ARMH4: variants seen among roughly 807,000 people sequenced by gnomAD.
The protein encoded by ARMH4 is armadillo like helical domain containing 4.
A neutral mutation model predicts 61.9 loss-of-function variants in ARMH4; 49 were observed. The ratio of observed to expected loss-of-function variants is 0.79; its 90% CI spans 0.63 to 1.00. The LOEUF is 1.00. ARMH4 is among the 50% of genes least tolerant of loss of function. ARMH4 has a pLI of 0.00. For missense variants in ARMH4, 934 were observed against 930.0 expected, an observed-to-expected ratio of 1.00 and a Z score of -0.06; for synonymous variants, 368 against 341.5, an observed-to-expected ratio of 1.08 and a Z score of -0.85.
At chr14:58,054,507 GC>G (rs1884254417) in intron 5 of ARMH4, among the ~76,000 whole-genome samples, 1 of 152,150 alleles carries the variant, frequency 6.6e-6, no homozygotes, top group African/African-American at 2.4e-5. Context: ...AATGTCACTT[GC>G]CAGTGAAACC....
At chr14:58,015,754 T>TAAAAAAAAAAAAAAAA (rs34004432) in intron 5 of ARMH4, among the ~76,000 whole-genome samples, 1 of 136,262 alleles carries the variant, frequency 7.3e-6, no homozygotes, top group Admixed American at 7.4e-5. Context: ...TATTTTTAGT[T>TAAAAAAAAAAAAAAAA]AAAAAAAAAA....
chr14:58,020,463 T>C (rs1190400808), intron 5 of ARMH4, among the ~76,000 whole-genome samples: 4 of 152,124 alleles, frequency 2.6e-5, no homozygotes, highest in Non-Finnish European at 5.9e-5. Context: ...GCATATCACA[T>C]TGTGATTTGT....
intron 1 of ARMH4, among the ~76,000 whole-genome samples, chr14:58,148,902 G>T (rs1287168598): frequency 6.6e-6 from 1 of 150,690 alleles, no homozygotes; most frequent in Non-Finnish European, 1.5e-5. Flanking sequence ...ACAGTTACAG[G>T]TAACAAGTCT....
At chr14:58,147,001 T>A (rs147511939) in intron 1 of ARMH4, among the ~76,000 whole-genome samples, 3 of 152,338 alleles carry the variant, frequency 2.0e-5, no homozygotes, top group Admixed American at 6.5e-5. Flanking sequence ...CCTTTTCTTA[T>A]GATATACACA....
At chr14:58,011,792 T>C (rs1170815007) in intron 6 of ARMH4, among the ~76,000 whole-genome samples, 1 of 144,742 alleles carries the variant, frequency 6.9e-6, no homozygotes, top group Non-Finnish European at 1.5e-5. Context: ...ACAGATGGAA[T>C]GAGATGACAA....
intron 5 of ARMH4, among the ~76,000 whole-genome samples, chr14:58,092,307 C>T (rs1247096626): frequency 6.6e-6 from 1 of 152,148 alleles, no homozygotes; most frequent in Non-Finnish European, 1.5e-5. Flanking sequence ...TTCAAAGGAT[C>T]TCAGTGTTTG....
intron 4 of ARMH4, among the ~76,000 whole-genome samples, chr14:58,111,407 C>A (rs1206462820): frequency 6.6e-6 from 1 of 152,092 alleles, no homozygotes; most frequent in Non-Finnish European, 1.5e-5. Flanking sequence ...AAGAAAAAAA[C>A]AAAATCTAAG....
At chr14:58,032,917 G>C (rs963445855) in intron 5 of ARMH4, among the ~76,000 whole-genome samples, 1 of 151,130 alleles carries the variant, frequency 6.6e-6, no homozygotes, top group Non-Finnish European at 1.5e-5. Context: ...ACGGAATCTC[G>C]CTGATTGCTA....
At chr14:58,075,257 A>G (rs1361233372) in intron 5 of ARMH4, among the ~76,000 whole-genome samples, 1 of 152,224 alleles carries the variant, frequency 6.6e-6, no homozygotes, top group Non-Finnish European at 1.5e-5. Flanking sequence ...ACTACTGGGT[A>G]TATACCCAAA....
At chr14:58,095,033 T>G (rs1041562824) in intron 5 of ARMH4, among the ~76,000 whole-genome samples, 1 of 152,128 alleles carries the variant, frequency 6.6e-6, no homozygotes, top group East Asian at 1.9e-4. Flanking sequence ...GCCCAAATGA[T>G]CATTTTAGCC....
rs190527244 is a variant in ARMH4, at chr14:58,110,443, A to G, written c.1832-13462T>C. On this transcript the variant is annotated intron_variant, in intron 4 of 7. Coordinates refer to ENST00000267485, the MANE Select transcript of ARMH4 (RefSeq NM_001001872.4). ...AGAAACTTTTTTATTTTTTAAAGTG[A>G]ACAAACTCACTGAGGGAGCTTTCTA... Among the ~76,000 whole-genome samples the G allele has an allele frequency of 2.0e-5, 3 of 152,290 alleles. No individual in the cohort carries two copies. The East Asian group carries it at 5.8e-4, about 29-fold the overall frequency.
intron 2 of ARMH4, among the ~76,000 whole-genome samples, chr14:58,134,128 A>T (rs1887223317): frequency 6.6e-6 from 1 of 152,236 alleles, no homozygotes; most frequent in South Asian, 2.1e-4. Context: ...TAAGTATTCA[A>T]TAATTACCAG....
intron 1 of ARMH4, among the ~76,000 whole-genome samples, chr14:58,144,974 C>A (rs142322158): frequency 3.2e-4 from 48 of 152,312 alleles, no homozygotes; most frequent in African/African-American, 1.1e-3. Flanking sequence ...CTACTAAATT[C>A]TATCTATATA....
chr14:58,021,833 T>C (rs11847972), intron 5 of ARMH4, among the ~76,000 whole-genome samples: 8 of 152,302 alleles, frequency 5.3e-5, no homozygotes, highest in South Asian at 2.1e-4. Context: ...TCACATTTCA[T>C]TGATCAAACA....
rs749502324 is a variant in ARMH4, at chr14:58,139,253, CCCT to C, written c.103_105del (p.Arg35del). 5.6e-6 allele frequency: 9 copies of C among 1,614,152 alleles called. No homozygotes were observed. The Admixed American group carries it at 8.3e-5, about 15-fold the overall frequency. On this transcript the variant is annotated inframe_deletion, in exon 2 of 8. Coordinates refer to ENST00000267485, the MANE Select transcript of ARMH4 (RefSeq NM_001001872.4). ...TTTTCCGCATGAACATGTGCTATCT[CCCT>C]CCTCCTTTCTATTTTGGGGAAGGCC...
intron 5 of ARMH4, among the ~76,000 whole-genome samples, chr14:58,034,687 C>G (rs1327948504): frequency 1.3e-4 from 5 of 38,504 alleles, no homozygotes; most frequent in Non-Finnish European, 2.1e-4. Context: ...CACATAGGCT[C>G]AAAATAAAAG....
intron 4 of ARMH4, among the ~76,000 whole-genome samples, chr14:58,115,203 G>A (rs1886478551): frequency 6.7e-6 from 1 of 149,776 alleles, no homozygotes; most frequent in Non-Finnish European, 1.5e-5. Flanking sequence ...CTCAACAAAT[G>A]TTTAATATCC....
rs1005951702 is a variant in ARMH4, at chr14:58,047,509, A to G, written c.2090-35359T>C. Reference sequence around the variant, plus strand: ...TCAACCCTGTAAGGTAGGTACAGCCATTATCTCCACTGCACAGATGAGAGA... The same window carrying G: ...TCAACCCTGTAAGGTAGGTACAGCCGTTATCTCCACTGCACAGATGAGAGA... On this transcript the variant is annotated intron_variant, in intron 5 of 7. Coordinates refer to ENST00000267485, the MANE Select transcript of ARMH4 (RefSeq NM_001001872.4). Among the ~76,000 whole-genome samples, 8 of 152,326 alleles carry G rather than the reference A, an allele frequency of 5.3e-5. No individual in the cohort carries two copies. The South Asian group carries it at 1.2e-3, about 24-fold the overall frequency.
At position 58,001,779 on chromosome 14, in the gene ARMH4, T is replaced by G. The variant is rs1881993226; in HGVS notation, c.*2957A>C. ...GTCTGGGGCAAGGCCTTGAGATCTG[T>G]ATGTTTCACAAGTGTCCCAGGTGAT... On this transcript the variant is annotated 3_prime_UTR_variant, in exon 8 of 8. Coordinates refer to ENST00000267485, the MANE Select transcript of ARMH4 (RefSeq NM_001001872.4). The G allele has an allele frequency of 1.3e-5, 2 of 152,126 alleles. No individual in the cohort carries two copies. The highest frequency in any genetic ancestry group is 2.4e-5 in the African/African-American group (1 of 41,408). 9.4% of individuals were successfully genotyped at this position (152,126 alleles called of 1,614,324 possible). A position where few individuals can be genotyped will look rare whatever the true frequency, so the allele number is the denominator to read the frequency against.
Sources: allele counts gnomAD v4.1 joint callset (sites outside exome capture counted in the v4.1 genomes callset), GRCh38; gene constraint gnomAD v4.1.1; transcripts MANE v1.5; gene names NCBI Gene and HGNC (gene_info 2026-07-23, HGNC 2026-07-21).